TASOR2: variants seen among roughly 807,000 people sequenced by gnomAD.
The protein encoded by TASOR2 is transcription activation suppressor family member 2, also known as protein TASOR 2.
TASOR2 carries 84 observed loss-of-function variants against 199.5 expected under a neutral mutation model. The ratio of observed to expected loss-of-function variants is 0.42; its 90% confidence interval spans 0.35 to 0.50. The LOEUF (loss-of-function observed/expected upper bound fraction) is 0.50, where lower values mean the gene tolerates loss of function less well. Ranked by LOEUF, TASOR2 falls within the 20% of genes least tolerant of loss-of-function variation. The probability of loss-of-function intolerance (pLI) is 0.02; values close to 1 mark genes in which losing one functional copy is unlikely to be tolerated. For missense variants in TASOR2, 2,796 were observed against 2,835.9 expected (o/e 0.99, Z 0.32); for synonymous variants, 1,103 against 1,046.6 (o/e 1.05, Z -1.04).
intron 1 of TASOR2, chr10:5,709,645 G>C (rs1588665899): frequency 8.1e-7 from 1 of 1,231,028 alleles, no homozygotes; most frequent in East Asian, 3.2e-5. Context: ...GATCGAGACA[G>C]GGTCCCTATC....
chr10:5,714,086 A>AT (rs1832289313), intron 2 of TASOR2, 49 bp from the exon 3 acceptor site: 12 of 1,014,724 alleles, frequency 1.2e-5, no homozygotes, highest in Non-Finnish European at 1.5e-5. Context: ...AGATTATAGC[A>AT]TTTTTTCATT....
chr10:5,716,850 G>T (rs1265686138), intron 2 of TASOR2, among the ~76,000 whole-genome samples: 1 of 151,468 alleles, frequency 6.6e-6, no homozygotes, highest in Non-Finnish European at 1.5e-5. Flanking sequence ...GGGAGGCAGA[G>T]GTTGCAGTGA....
At chr10:5,696,365 T>G (rs1273784218) in intron 1 of TASOR2, among the ~76,000 whole-genome samples, 1 of 152,144 alleles carries the variant, frequency 6.6e-6, no homozygotes, top group Non-Finnish European at 1.5e-5. Context: ...CAACTTTTAT[T>G]TCATTTTTTG....
chr10:5,711,914 A>G (rs1831966513), intron 1 of TASOR2, among the ~76,000 whole-genome samples: 1 of 152,118 alleles, frequency 6.6e-6, no homozygotes, highest in Non-Finnish European at 1.5e-5. Context: ...GGGCAATAGT[A>G]GGTCCCTTAA....
intron 1 of TASOR2, among the ~76,000 whole-genome samples, chr10:5,700,211 T>G (rs548721664): frequency 6.6e-6 from 1 of 152,318 alleles, no homozygotes; most frequent in South Asian, 2.1e-4. Flanking sequence ...TGTGCTTGGC[T>G]TATTTCACTT....
At chr10:5,760,628 A>G (rs1385587622) in intron 18 of TASOR2, among the ~76,000 whole-genome samples, 12 of 152,374 alleles carry the variant, frequency 7.9e-5, no homozygotes, top group Non-Finnish European at 1.2e-4. Context: ...GGATGGCATA[A>G]AAGTTGGTAT....
intron 1 of TASOR2, among the ~76,000 whole-genome samples, chr10:5,693,339 G>T (rs890524247): frequency 6.6e-6 from 1 of 152,158 alleles, no homozygotes; most frequent in Non-Finnish European, 1.5e-5. Context: ...TTGACTTTGC[G>T]CTTCAAGTAT....
rs1300497427 is a variant in TASOR2 at position 5,685,902 on chromosome 10, AGT to A, written c.-288+730_-288+731del. On this transcript the variant is annotated intron_variant, in intron 1 of 20. Coordinates refer to ENST00000328090, the Ensembl canonical transcript of TASOR2. The surrounding 1 kb of genome is among the most constrained non-coding windows in gnomAD (Gnocchi z 5.4). ...CAATTAGAATAGAAAAGTTTATGAA[AGT>A]GTATCCAAAACTTAAATATGTGGCG... is the stretch of plus-strand genomic sequence containing the variant. 6.6e-6 allele frequency among the ~76,000 whole-genome samples: 1 copy of A among 152,228 alleles called. No homozygotes were observed. Among genetic ancestry groups the A allele is most frequent in the African/African-American group, 2.4e-5 (1 of 41,454 alleles).
At chr10:5,756,588 T>C (rs1838978663) in intron 15 of TASOR2, 25 bp from the exon 17 acceptor site, 1 of 1,609,456 alleles carries the variant, frequency 6.2e-7, no homozygotes, top group African/African-American at 1.3e-5. Context: ...CTTTTTTTAA[T>C]AATGGCTATT....
chr10:5,723,245 CG>C (rs1564296237), intron 6 of TASOR2, among the ~76,000 whole-genome samples: 2 of 151,284 alleles, frequency 1.3e-5, no homozygotes, highest in Non-Finnish European at 2.9e-5. Context: ...TTAGTAGAGA[CG>C]GGGTTTCACC....
chr10:5,732,896 C>T (rs532406531), intron 11 of TASOR2, among the ~76,000 whole-genome samples: 6 of 152,120 alleles, frequency 3.9e-5, no homozygotes, highest in East Asian at 3.9e-4. Context: ...GCTTGAGGAA[C>T]GGGGTGGAGA....
At chr10:5,760,963 G>C (rs1011219704) in intron 18 of TASOR2, 8 of 177,918 alleles carry the variant, frequency 4.5e-5, no homozygotes, top group Non-Finnish European at 9.4e-5. Context: ...CAAGGTATGA[G>C]AAGTATAGAT....
chr10:5,746,918 A>G, exon 15 of TASOR2: 1 of 1,614,216 alleles, frequency 6.2e-7, no homozygotes, highest in Non-Finnish European at 8.5e-7. Context: ...TCATTAGCTA[A>G]AAGTTCTAGT....
exon 16 of TASOR2, chr10:5,756,634 C>T (rs1299524875): frequency 1.2e-6 from 2 of 1,613,154 alleles, no homozygotes; most frequent in East Asian, 4.5e-5. Context: ...GAAAGGAGGC[C>T]ATACAGAAAT....
At chr10:5,747,339 T>G in exon 15 of TASOR2, 1 of 1,614,034 alleles carries the variant, frequency 6.2e-7, no homozygotes, top group Non-Finnish European at 8.5e-7. Context: ...TAGAGCAATT[T>G]GAGGAGGCCC....
At chr10:5,695,189 A>G (rs1836998595) in intron 1 of TASOR2, among the ~76,000 whole-genome samples, 1 of 152,240 alleles carries the variant, frequency 6.6e-6, no homozygotes, top group Non-Finnish European at 1.5e-5. Flanking sequence ...ACTATGTGCT[A>G]GGAATTGGAC....
In TASOR2 at chr10:5,709,764, CTT is replaced by C. The variant is rs373105468; in HGVS notation, c.-287-3057_-287-3056del. On this transcript the variant is annotated intron_variant, in intron 1 of 20. Transcript: ENST00000328090. ...ATTTAGATCATGTAAAACAAAAAGACTTTAAAAAATTATGATTTCCAGTACCT... is the reference window on the plus strand; with the variant it reads ...ATTTAGATCATGTAAAACAAAAAGACTAAAAAATTATGATTTCCAGTACCT... 1.9e-4 allele frequency: 196 copies of C among 1,055,366 alleles called. No individual in the cohort carries two copies. In the African/African-American group the frequency reaches 2.8e-3, roughly 15 times the overall value. The allele number at this position is 1,055,366 out of a possible 1,614,324, so 65.4% of individuals were successfully genotyped here.
rs571649855 is a variant in TASOR2, at chr10:5,719,366, CAG to C, written c.-99-1175_-99-1174del. On this transcript the variant is annotated intron_variant, in intron 3 of 20. Transcript: ENST00000328090. The surrounding 1 kb of genome is among the most constrained non-coding windows in gnomAD (Gnocchi z 4.1). ...TTTTTTGTTTGTTTGTTTTTTGAGACAGAGTCTTGCTCTGTTGCCAGGCTGGA... is the reference window on the plus strand; with the variant it reads ...TTTTTTGTTTGTTTGTTTTTTGAGACAGTCTTGCTCTGTTGCCAGGCTGGA... 8.4e-4 allele frequency among the ~76,000 whole-genome samples: 128 copies of C among 152,140 alleles called. 4 individuals carry two copies. In the South Asian group the frequency reaches 0.022, roughly 27 times the overall value.
Position 5,705,923 on chromosome 10 carries a change from A to G in TASOR2, c.-287-6900A>G, listed in dbSNP as rs544966390. ...TTCTAGGTCACTAATTTTGTGCCCT[A>G]TGAAAACTTTATGTACCCCATAGTC... On this transcript the variant is annotated intron_variant, in intron 1 of 20. Coordinates refer to ENST00000328090, the Ensembl canonical transcript of TASOR2. Among the ~76,000 whole-genome samples the G allele has an allele frequency of 1.6e-3, 239 of 152,290 alleles. 1 individual carries two copies. The highest frequency in any genetic ancestry group is 4.8e-3 in the African/African-American group (200 of 41,568).
Sources: gnomAD v4.1 joint callset for allele counts (sites outside exome capture counted in the v4.1 genomes callset) on GRCh38, gnomAD v4.1.1 for gene constraint, Gnocchi (gnomAD v3.1) non-coding constraint, MANE v1.5 for transcripts, NCBI Gene and HGNC (gene_info 2026-07-23, HGNC 2026-07-21) for gene names.